The following EME1 variants were observed in gnomAD, a reference collection of about 807,000 sequenced individuals.
The protein encoded by EME1 is structure-specific endonuclease subunit EME1.
A neutral mutation model predicts 59.1 loss-of-function variants in EME1; 61 were observed. That is an observed-to-expected ratio of 1.03 (90% CI 0.84 to 1.28). EME1 has a LOEUF of 1.28. Among genes scored for constraint, EME1 ranks in the 50% most tolerant of loss-of-function variants. The pLI, the probability that EME1 is intolerant of heterozygous loss-of-function variation, is 0.00. For missense variants in EME1, 635 were observed against 682.6 expected (o/e 0.93, Z 0.78); for synonymous variants, 230 against 254.2 (o/e 0.90, Z 0.90).
At chr17:50,379,884 AT>A in intron 7 of EME1, 1 of 342,010 alleles carries the variant, frequency 2.9e-6, no homozygotes, top group Admixed American at 4.3e-5. Context: ...AGGAAAGCAA[AT>A]TTTTGGCCTA....
intron 7 of EME1, 100 bp downstream of exon 7, chr17:50,379,667 A>G: frequency 2.0e-6 from 2 of 1,022,384 alleles, no homozygotes; most frequent in South Asian, 3.0e-5. Flanking sequence ...CTCTGCAGTC[A>G]GCCCATTGTC....
chr17:50,375,192 T>A lies in EME1; in HGVS notation c.-17T>A. 1 of 1,607,830 alleles carries A rather than the reference T, an allele frequency of 6.2e-7. No homozygotes were observed. The highest frequency in any genetic ancestry group is 2.2e-5 in the East Asian group (1 of 44,846). On this transcript the variant is annotated 5_prime_UTR_variant, in exon 2 of 9. Coordinates refer to ENST00000338165, the MANE Select transcript of EME1 (RefSeq NM_152463.4). ...TGTCTCTTTTCCTTTTAGGGAATTATTTGATAGCACATACTGATGGCTCTA... is the reference window on the plus strand; with the variant it reads ...TGTCTCTTTTCCTTTTAGGGAATTAATTGATAGCACATACTGATGGCTCTA...
At chr17:50,378,710 C>A (rs766342518) in intron 4 of EME1, 29 bp downstream of exon 4, 1 of 1,613,994 alleles carries the variant, frequency 6.2e-7, no homozygotes, top group East Asian at 2.2e-5. Flanking sequence ...TGGGAGGACA[C>A]GGAACAGAGG....
rs1370727805 is a variant in EME1, at chr17:50,375,667, G to T, written c.459G>T (p.Arg153Ser). ...TTCCCCTCCATGATACCCCAGAGAGGAGTGCAGCAGATAACAAGGACCTGA... is the reference window on the plus strand; with the variant it reads ...TTCCCCTCCATGATACCCCAGAGAGTAGTGCAGCAGATAACAAGGACCTGA... ...PEVPLHDTPE[R>S]SAADNKDLIL... Residue 153 changes from arginine (R) to serine (S), a missense_variant, in exon 2 of 9, where the codon AGG becomes AGT. Transcript: ENST00000338165. 6.2e-7 allele frequency: 1 copy of T among 1,613,948 alleles called. No homozygotes were observed. The highest frequency in any genetic ancestry group is 8.5e-7 in the Non-Finnish European group (1 of 1,180,046).
At chr17:50,377,355 C>T (rs772332045) in intron 3 of EME1, among the ~76,000 whole-genome samples, 2 of 152,106 alleles carry the variant, frequency 1.3e-5, no homozygotes, top group Non-Finnish European at 2.9e-5. Context: ...AGGATCACAA[C>T]GGGAATGAGA....
Position 50,375,696 on chromosome 17 carries a change from T to C in EME1, c.488T>C (p.Leu163Ser). 6.2e-7 allele frequency: 1 copy of C among 1,614,084 alleles called. No individual in the cohort carries two copies. Residue 163 changes from leucine to serine, a missense_variant, in exon 2 of 9, where the codon TTA becomes TCA. Physicochemically the swap from Leu to Ser is moderately radical, Grantham distance 145 (BLOSUM62 -2). Coordinates refer to ENST00000338165, the MANE Select transcript of EME1 (RefSeq NM_152463.4). ...RSAADNKDLI[L>S]DPCCQLPAYL... ...GCAGCAGATAACAAGGACCTGATCT[T>C]AGATCCATGCTGTCAGCTTCCAGCC...
Position 50,379,128 on chromosome 17 carries a change from A to C in EME1, c.1134A>C (p.Arg378Ser). 10 of 1,614,094 alleles carry C rather than the reference A, an allele frequency of 6.2e-6. No individual in the cohort carries two copies. Among genetic ancestry groups the C allele is most frequent in the Non-Finnish European group, 8.5e-6 (10 of 1,180,036 alleles). ...KCFSAQNPPR[R>S]GKQGANKQTK... is the part of the protein sequence containing the mutation. ...CCAGTGCTCAGAATCCTCCAAGAAG[A>C]GGGAAACAGGGAGCAAATAAACAGA... Residue 378 changes from arginine (R) to serine (S), a missense_variant, in exon 6 of 9, where the codon AGA (arginine) becomes AGC (serine). Transcript: ENST00000338165.
At chr17:50,378,311 A>G (rs565460685) in intron 3 of EME1, among the ~76,000 whole-genome samples, 145 of 142,438 alleles carry the variant, frequency 1.0e-3, no homozygotes, top group Non-Finnish European at 2.0e-3. Context: ...TGATCTGCCC[A>G]CCTCGGCCTC....
intron 3 of EME1, among the ~76,000 whole-genome samples, chr17:50,377,038 C>T (rs1913508843): frequency 6.6e-6 from 1 of 152,190 alleles, no homozygotes; most frequent in Non-Finnish European, 1.5e-5. Flanking sequence ...GTGTGAGGCA[C>T]CTTGCCTAGC....
chr17:50,379,603 G>A, intron 7 of EME1, 36 bp downstream of exon 7: 3 of 1,569,744 alleles, frequency 1.9e-6, no homozygotes, highest in Non-Finnish European at 1.8e-6. Context: ...TCCATGCTGG[G>A]CCTGTCCTTT....
In EME1 at chr17:50,375,224, T is replaced by G. The variant is rs766253005; in HGVS notation, c.16T>G (p.Ser6Ala). 4.3e-6 allele frequency: 7 copies of G among 1,614,078 alleles called. No individual in the cohort carries two copies. In the Admixed American group the frequency reaches 1.0e-4, roughly 23 times the overall value. The change falls in exon 2 of 9, where the codon TCA (serine) becomes GCA (alanine). Residue 6 changes from serine to alanine, a missense_variant. Ser to Ala is a moderately conservative substitution (Grantham distance 99, BLOSUM62 1). Transcript: ENST00000338165. ...GCACATACTGATGGCTCTAAAGAAGTCATCACCCTCACTGGATTCTGGTGA... is the reference window on the plus strand; with the variant it reads ...GCACATACTGATGGCTCTAAAGAAGGCATCACCCTCACTGGATTCTGGTGA... MALKK[S>A]SPSLDSGDSD... is the part of the protein sequence containing the mutation.
intron 8 of EME1, 126 bp from the exon 9 acceptor site, chr17:50,380,637 G>A: frequency 6.5e-7 from 1 of 1,526,934 alleles, no homozygotes; most frequent in Non-Finnish European, 8.9e-7. Flanking sequence ...GATCAGTGTT[G>A]CTAATGCTGA....
In EME1 at chr17:50,375,288, A is replaced by G. The variant is rs1913395110; in HGVS notation, c.80A>G (p.Lys27Arg). The change falls in exon 2 of 9, where the codon AAG becomes AGG. Residue 27 changes from lysine (K) to arginine (R), a missense_variant. Physicochemically the swap from Lys to Arg is conservative, Grantham distance 26 (BLOSUM62 2). Coordinates refer to ENST00000338165, the MANE Select transcript of EME1 (RefSeq NM_152463.4). ...GAGTTGCCAACATTTGCCTTTCTGA[A>G]GAAGGAACCATCTTCAACAAAGAGG... The part of the protein sequence containing the change: ...SEELPTFAFL[K>R]KEPSSTKRRQ... The G allele has an allele frequency of 6.2e-7, 1 of 1,614,066 alleles. No homozygotes were observed. Among genetic ancestry groups the G allele is most frequent in the Non-Finnish European group, 8.5e-7 (1 of 1,180,048 alleles).
rs974349700 is a variant in EME1, at chr17:50,380,460, G to A, written c.1495G>A (p.Ala499Thr). The A allele has an allele frequency of 6.2e-7, 1 of 1,614,166 alleles. No individual in the cohort carries two copies. Among genetic ancestry groups the A allele is most frequent in the Non-Finnish European group, 8.5e-7 (1 of 1,180,040 alleles). The change falls in exon 8 of 9, where the codon GCA becomes ACA. Residue 499 changes from alanine to threonine, a missense_variant. Transcript: ENST00000338165. Reference sequence around the variant, plus strand: ...CCGAGTCAGCCTGGAAATGGCCAGTGCAGTTGTGAATGCCTATCCCTCCCC... The same window carrying A: ...CCGAGTCAGCCTGGAAATGGCCAGTACAGTTGTGAATGCCTATCCCTCCCC... ...LNRVSLEMAS[A>T]VVNAYPSPQL...
rs1913448413 is a variant in EME1 at position 50,376,077 on chromosome 17, A to G, written c.787A>G (p.Met263Val). The G allele has an allele frequency of 1.2e-6, 2 of 1,613,526 alleles. No individual in the cohort carries two copies. Among genetic ancestry groups the G allele is most frequent in the Non-Finnish European group, 1.7e-6 (2 of 1,179,760 alleles). The change falls in exon 3 of 9, where the codon ATG (methionine) becomes GTG (valine). Residue 263 changes from methionine to valine, a missense_variant. Coordinates refer to ENST00000338165, the MANE Select transcript of EME1 (RefSeq NM_152463.4). ...IVVLDPVLLQ[M>V]EGGGQLLGAL... ...TCCATCTGTTGCAGTGCTCTTACAG[A>G]TGGAAGGTGGGGGCCAGCTCCTAGG...
intron 1 of EME1, among the ~76,000 whole-genome samples, chr17:50,373,695 A>G (rs72832471): frequency 0.021 from 3,142 of 152,372 alleles, 54 homozygotes; most frequent in Middle Eastern, 0.054. Context: ...TAAATGTTCA[A>G]GAAATGATTA....
At chr17:50,374,207 T>C (rs967890518) in intron 1 of EME1, among the ~76,000 whole-genome samples, 9 of 152,228 alleles carry the variant, frequency 5.9e-5, no homozygotes, top group Admixed American at 1.3e-4. Context: ...AAGGATATTA[T>C]GCTGTGCAAA....
chr17:50,379,587 C>A lies in EME1; in HGVS notation c.1346+20C>A. ...CTTCAAGTGAGTAACCCCAGCAAGTCCAGCCTCCATGCTGGGCCTGTCCTT... is the reference window on the plus strand; with the variant it reads ...CTTCAAGTGAGTAACCCCAGCAAGTACAGCCTCCATGCTGGGCCTGTCCTT... On this transcript the variant is annotated intron_variant, in intron 7 of 8. Transcript: ENST00000338165. 6.2e-7 allele frequency: 1 copy of A among 1,603,952 alleles called. No individual in the cohort carries two copies. The highest frequency in any genetic ancestry group is 8.5e-7 in the Non-Finnish European group (1 of 1,171,488).
rs1426860958 is a variant in EME1 at position 50,375,957 on chromosome 17, A to T, written c.749A>T (p.Lys250Ile). Residue 250 changes from lysine to isoleucine, a missense_variant, in exon 2 of 9, where the codon AAA (lysine) becomes ATA (isoleucine). Lys to Ile is a moderately radical substitution (Grantham distance 102). Coordinates refer to ENST00000338165, the MANE Select transcript of EME1 (RefSeq NM_152463.4). ...GCCCAGAGGCCAGAGGAATGCTTAAAACACATCATTGTAGTGCTGGATCCA... is the reference window on the plus strand; with the variant it reads ...GCCCAGAGGCCAGAGGAATGCTTAATACACATCATTGTAGTGCTGGATCCA... ...MKAQRPEECLKHIIVVLDPVL... is the reference protein window; with the variant it reads ...MKAQRPEECLIHIIVVLDPVL... The T allele has an allele frequency of 1.2e-6, 2 of 1,609,138 alleles. No homozygotes were observed. Among genetic ancestry groups the T allele is most frequent in the African/African-American group, 2.7e-5 (2 of 74,882 alleles).
Sources: gnomAD v4.1 joint callset for allele counts (sites outside exome capture counted in the v4.1 genomes callset) on GRCh38, gnomAD v4.1.1 for gene constraint, MANE v1.5 for transcripts, NCBI Gene and HGNC (gene_info 2026-07-23, HGNC 2026-07-21) for gene names.